Variants in FAM234B observed in about 807,000 individuals in gnomAD.
FAM234B encodes the protein family with sequence similarity 234 member B.
Under a neutral mutation model 69.3 loss-of-function variants are expected in FAM234B, and 33 were observed. The observed-to-expected ratio is 0.48, with a 90% confidence interval of 0.36 to 0.64. The LOEUF (loss-of-function observed/expected upper bound fraction) is 0.64, where lower values mean the gene tolerates loss of function less well. Among genes scored for constraint, FAM234B ranks in the 30% least tolerant of loss-of-function variants. The probability of loss-of-function intolerance (pLI) is 0.00; values close to 1 mark genes in which losing one functional copy is unlikely to be tolerated. For missense variants in FAM234B, 697 were observed against 769.7 expected (o/e 0.91, Z 1.12); for synonymous variants, 306 against 306.9 (o/e 1.00, Z 0.03).
chr12:13,069,744 C>T (rs567725656), intron 9 of FAM234B, among the ~76,000 whole-genome samples: 10 of 152,224 alleles, frequency 6.6e-5, no homozygotes, highest in Admixed American at 1.3e-4. Context: ...AGAATGAGGT[C>T]GGCTTACAGA....
At position 13,068,590 on chromosome 12, in the gene FAM234B, C is replaced by T. The variant is rs190089253; in HGVS notation, c.1287-40C>T. The T allele has an allele frequency of 7.4e-3, 11,836 of 1,589,088 alleles. 67 individuals are homozygous for T. Among genetic ancestry groups the T allele is most frequent in the Non-Finnish European group, 8.3e-3 (9,608 of 1,161,584 alleles). On this transcript the variant is annotated intron_variant, in intron 8 of 12. Coordinates refer to ENST00000197268, the MANE Select transcript of FAM234B (RefSeq NM_020853.2). ...GAGAGTTCTTAGTTTTCCTGTTTTT[C>T]TTGTTCACTATTGATTGCTTACTTT...
chr12:13,072,313 T>C lies in FAM234B; in HGVS notation c.1524+917T>C, dbSNP rs188374567. 2.5e-4 allele frequency among the ~76,000 whole-genome samples: 38 copies of C among 152,358 alleles called. No homozygotes were observed. The East Asian group carries it at 3.7e-3, about 15-fold the overall frequency. ...GATCAGATTTACCTAAAATCTAGAT[T>C]GTATTTCTAACTCTGACATGGCCTA... On this transcript the variant is annotated intron_variant, in intron 10 of 12. Transcript: ENST00000197268.
At chr12:13,063,906 A>G (rs1460607668) in intron 5 of FAM234B, among the ~76,000 whole-genome samples, 1 of 152,142 alleles carries the variant, frequency 6.6e-6, no homozygotes, top group Non-Finnish European at 1.5e-5. Flanking sequence ...TTGATAACCT[A>G]TTTTAATTTT....
chr12:13,059,923 G>A (rs978252551), intron 3 of FAM234B, among the ~76,000 whole-genome samples: 1 of 152,220 alleles, frequency 6.6e-6, no homozygotes, highest in Non-Finnish European at 1.5e-5. Flanking sequence ...ATAATGGCAA[G>A]GCCATGGGTT....
At chr12:13,071,449 T>C in intron 10 of FAM234B, 53 bp downstream of exon 10, 1 of 1,517,500 alleles carries the variant, frequency 6.6e-7, no homozygotes, top group South Asian at 1.1e-5. Flanking sequence ...GCAGCTGCTG[T>C]GCAGGGCTGA....
chr12:13,075,976 G>A (rs59444751), intron 10 of FAM234B, 50 bp from the exon 11 acceptor site: 8 of 1,311,936 alleles, frequency 6.1e-6, no homozygotes, highest in Non-Finnish European at 8.8e-6. Flanking sequence ...ACTGTCACGT[G>A]TGGGAATGTA....
chr12:13,053,303 T>C (rs1429085046), intron 1 of FAM234B, among the ~76,000 whole-genome samples: 2 of 152,222 alleles, frequency 1.3e-5, no homozygotes, highest in Non-Finnish European at 2.9e-5. Flanking sequence ...CTAAAATTTA[T>C]TGATTTTTTT....
At position 13,080,016 on chromosome 12, in the gene FAM234B, G is replaced by A. The variant is rs768227457; in HGVS notation, c.1863+7G>A. The A allele has an allele frequency of 1.3e-6, 2 of 1,570,246 alleles. No individual in the cohort carries two copies. The highest frequency in any genetic ancestry group is 2.3e-5 in the South Asian group (2 of 85,416). On this transcript the variant is annotated splice_region_variant and intron_variant, in intron 12 of 12. Coordinates refer to ENST00000197268, the MANE Select transcript of FAM234B (RefSeq NM_020853.2). ...TGTTGAAGCTCCCTACGAGGTGAGT[G>A]GCTGCAGAAATATTGTTCCTCTTGA...
intron 10 of FAM234B, among the ~76,000 whole-genome samples, chr12:13,073,500 G>T (rs186776659): frequency 6.6e-6 from 1 of 152,264 alleles, no homozygotes; most frequent in East Asian, 1.9e-4. Context: ...TTCTTGGACT[G>T]GACCACTTCC....
At chr12:13,050,934 C>T (rs1029570021) in intron 1 of FAM234B, among the ~76,000 whole-genome samples, 44 of 152,178 alleles carry the variant, frequency 2.9e-4, no homozygotes, top group African/African-American at 9.7e-4. Context: ...CAATATATAT[C>T]TGCAAGATGT....
chr12:13,047,183 GCT>G (rs1213438427), intron 1 of FAM234B, among the ~76,000 whole-genome samples: 2 of 152,144 alleles, frequency 1.3e-5, no homozygotes, highest in South Asian at 4.1e-4. Context: ...AAGATGTTTG[GCT>G]CACATGCATA....
chr12:13,080,943 G>A lies in FAM234B; in HGVS notation c.*313G>A, dbSNP rs1217488091. The A allele has an allele frequency of 3.4e-6, 1 of 298,408 alleles. No individual in the cohort carries two copies. The highest frequency in any genetic ancestry group is 2.2e-5 in the African/African-American group (1 of 46,156). 18.5% of individuals were successfully genotyped at this position (298,408 alleles called of 1,614,324 possible). A position where few individuals can be genotyped will look rare whatever the true frequency, so the allele number is the denominator to read the frequency against. ...TGTCTAATTTATGAAGTCTTGCTGGGAAAGCCAGTGAAGTCTATGACTAGG... is the reference window on the plus strand; with the variant it reads ...TGTCTAATTTATGAAGTCTTGCTGGAAAAGCCAGTGAAGTCTATGACTAGG... On this transcript the variant is annotated 3_prime_UTR_variant, in exon 13 of 13. Coordinates refer to ENST00000197268, the MANE Select transcript of FAM234B (RefSeq NM_020853.2).
chr12:13,049,333 C>T (rs1864848662), intron 1 of FAM234B, among the ~76,000 whole-genome samples: 1 of 152,200 alleles, frequency 6.6e-6, no homozygotes, highest in Non-Finnish European at 1.5e-5. Flanking sequence ...GCGCCTGCCA[C>T]CACACGTGGC....
At chr12:13,070,794 T>G (rs1865097817) in intron 9 of FAM234B, among the ~76,000 whole-genome samples, 1 of 151,978 alleles carries the variant, frequency 6.6e-6, no homozygotes, top group Non-Finnish European at 1.5e-5. Flanking sequence ...CCCAGGACAG[T>G]GTTCACTGGG....
chr12:13,076,792 A>G (rs1865167104), intron 11 of FAM234B, among the ~76,000 whole-genome samples: 1 of 152,268 alleles, frequency 6.6e-6, no homozygotes, highest in Non-Finnish European at 1.5e-5. Flanking sequence ...TCAGGAAACC[A>G]AAGCATTGGG....
At chr12:13,059,802 T>G (rs560139748) in intron 3 of FAM234B, among the ~76,000 whole-genome samples, 3 of 152,324 alleles carry the variant, frequency 2.0e-5, no homozygotes, top group Admixed American at 2.0e-4. Context: ...AAAACTTGAT[T>G]ACACTTTTCC....
At chr12:13,065,196 T>C (rs1275087817) in intron 5 of FAM234B, among the ~76,000 whole-genome samples, 7 of 152,342 alleles carry the variant, frequency 4.6e-5, no homozygotes, top group African/African-American at 1.4e-4. Context: ...CCCATAGAGC[T>C]ACTGTGAATG....
intron 5 of FAM234B, among the ~76,000 whole-genome samples, chr12:13,064,197 G>A (rs1358798431): frequency 6.6e-6 from 1 of 152,150 alleles, no homozygotes; most frequent in Non-Finnish European, 1.5e-5. Context: ...AAGCTTTAAG[G>A]GTACTTTATG....
At chr12:13,052,730 G>T (rs200584611) in intron 1 of FAM234B, among the ~76,000 whole-genome samples, 1 of 90,278 alleles carries the variant, frequency 1.1e-5, no homozygotes, top group African/African-American at 5.8e-5. Flanking sequence ...TTAGCGTAAT[G>T]TCCTCAAGGT....
Sources: allele counts gnomAD v4.1 joint callset (sites outside exome capture counted in the v4.1 genomes callset), GRCh38; gene constraint gnomAD v4.1.1; transcripts MANE v1.5; gene names NCBI Gene and HGNC (gene_info 2026-07-23, HGNC 2026-07-21).